Variants in ADAM9 observed in about 807,000 individuals in gnomAD.
The protein encoded by ADAM9 is ADAM metallopeptidase domain 9.
In ADAM9, 54 loss-of-function variants were observed where a neutral mutation model predicts 108.1. The observed-to-expected ratio is 0.50, with a 90% CI of 0.40 to 0.63. ADAM9 has a LOEUF of 0.63. Among genes scored for constraint, ADAM9 ranks in the 20% least tolerant of loss-of-function variants. ADAM9 has a pLI of 0.00. For missense variants in ADAM9, 830 were observed against 997.7 expected (o/e 0.83, Z 2.26); for synonymous variants, 316 against 336.0 (o/e 0.94, Z 0.65).
chr8:39,077,312 T>C lies in ADAM9; in HGVS notation c.1782T>C (p.Pro594=), dbSNP rs1183057328. 1 of 1,614,104 alleles carries C rather than the reference T, an allele frequency of 6.2e-7. No individual in the cohort carries two copies. The highest frequency in any genetic ancestry group is 2.2e-5 in the East Asian group (1 of 44,884). The change falls in exon 16 of 22, where the codon CCT becomes CCC. Residue 594 remains proline, a synonymous_variant. Coordinates refer to ENST00000487273, the MANE Select transcript of ADAM9 (RefSeq NM_003816.3). ...TTGTGCCTGCTATTATTCAAACGCC[T>C]AGTCGAGGCACCAAATGTTGGGGTG... ...FGIVPAIIQT[P]SRGTKCWGVD...
At chr8:39,074,102 T>A (rs1475763271) in intron 15 of ADAM9, among the ~76,000 whole-genome samples, 3 of 152,200 alleles carry the variant, frequency 2.0e-5, no homozygotes, top group Non-Finnish European at 2.9e-5. Context: ...TCATCACTAT[T>A]TTTGTTGTCA....
chr8:39,057,463 G>A (rs369200510), intron 14 of ADAM9, among the ~76,000 whole-genome samples: 12 of 147,976 alleles, frequency 8.1e-5, no homozygotes, highest in East Asian at 6.0e-4. Context: ...TAAATCCTGC[G>A]TAATAGCATG....
At chr8:39,002,491 G>T (rs181170018) in intron 1 of ADAM9, among the ~76,000 whole-genome samples, 1 of 151,100 alleles carries the variant, frequency 6.6e-6, no homozygotes, top group East Asian at 2.0e-4. Context: ...GCTAATTTTT[G>T]TATTTTTTTT....
Position 39,082,707 on chromosome 8 carries a change from T to C in ADAM9, c.1948T>C (p.Cys650Arg). ...LNYDCDVQKK[C>R]HGHGVCNSNK... Reference sequence around the variant, plus strand: ...TTATGACTGTGATGTTCAGAAAAAGTGTCATGGACATGGGGTAGGTAATGT... The same window carrying C: ...TTATGACTGTGATGTTCAGAAAAAGCGTCATGGACATGGGGTAGGTAATGT... Residue 650 changes from cysteine (C) to arginine (R), a missense_variant, in exon 17 of 22, where the codon TGT (cysteine) becomes CGT (arginine). By Grantham distance (180) the Cys-to-Arg change is radical. Transcript: ENST00000487273. The C allele has an allele frequency of 6.2e-7, 1 of 1,613,446 alleles. No individual in the cohort carries two copies. The highest frequency in any genetic ancestry group is 8.5e-7 in the Non-Finnish European group (1 of 1,179,594).
chr8:39,014,013 G>A lies in ADAM9; in HGVS notation c.303G>A (p.Gly101=), dbSNP rs1297739106. The part of the protein sequence containing the change: ...DFVVYTYNKE[G]TLITDHPNIQ... ...TGGTTTATACTTACAACAAGGAAGG[G>A]ACTTTAATCACTGACCATCCCAATA... The change falls in exon 4 of 22, where the codon GGG becomes GGA. Residue 101 remains glycine, a synonymous_variant. Coordinates refer to ENST00000487273, the MANE Select transcript of ADAM9 (RefSeq NM_003816.3). 4 of 1,613,400 alleles carry A rather than the reference G, an allele frequency of 2.5e-6. No homozygotes were observed. Among genetic ancestry groups the A allele is most frequent in the East Asian group, 2.2e-5 (1 of 44,852 alleles).
intron 11 of ADAM9, among the ~76,000 whole-genome samples, chr8:39,041,123 C>T (rs1837444344): frequency 1.3e-5 from 2 of 151,980 alleles, no homozygotes; most frequent in African/African-American, 4.8e-5. Context: ...ATGGATTCCT[C>T]AAAGATATAG....
chr8:39,054,843 A>G (rs566543822), intron 13 of ADAM9, among the ~76,000 whole-genome samples: 1 of 152,266 alleles, frequency 6.6e-6, no homozygotes, highest in East Asian at 1.9e-4. Flanking sequence ...ACATGAAACC[A>G]TAGAAAGTAG....
At chr8:39,058,226 C>T (rs977686783) in intron 14 of ADAM9, among the ~76,000 whole-genome samples, 4 of 152,204 alleles carry the variant, frequency 2.6e-5, no homozygotes, top group African/African-American at 9.6e-5. Flanking sequence ...TTGCTCAGTA[C>T]GTGTGTGTGA....
At chr8:39,001,384 CAT>C (rs1184701038) in intron 1 of ADAM9, among the ~76,000 whole-genome samples, 2 of 152,190 alleles carry the variant, frequency 1.3e-5, no homozygotes, top group Non-Finnish European at 2.9e-5. Flanking sequence ...TTATTCAACA[CAT>C]ATTTTATTGA....
intron 3 of ADAM9, among the ~76,000 whole-genome samples, chr8:39,013,589 A>G (rs1836429769): frequency 6.6e-6 from 1 of 150,844 alleles, no homozygotes; most frequent in Admixed American, 6.6e-5. Flanking sequence ...TGCAGCCTTG[A>G]ACTCCTGGGC....
chr8:39,056,327 C>T (rs1163682830), intron 14 of ADAM9, among the ~76,000 whole-genome samples: 1 of 152,138 alleles, frequency 6.6e-6, no homozygotes, highest in East Asian at 1.9e-4. Context: ...CTATTCCCAT[C>T]ACTTGAGGCA....
At chr8:39,075,629 C>G (rs1040832099) in intron 15 of ADAM9, among the ~76,000 whole-genome samples, 2 of 152,184 alleles carry the variant, frequency 1.3e-5, no homozygotes, top group African/African-American at 4.8e-5. Flanking sequence ...TTTTCTTTGT[C>G]TTAATGATTT....
chr8:39,039,135 A>C (rs1042472637), intron 11 of ADAM9, among the ~76,000 whole-genome samples: 2 of 152,172 alleles, frequency 1.3e-5, no homozygotes, highest in African/African-American at 4.8e-5. Flanking sequence ...TGGATATACA[A>C]AAGACCAAGC....
intron 21 of ADAM9, among the ~76,000 whole-genome samples, 168 bp downstream of exon 21, chr8:39,102,098 T>C (rs1326262192): frequency 2.6e-5 from 4 of 152,210 alleles, no homozygotes; most frequent in Non-Finnish European, 4.4e-5. Context: ...ATAAATTTTA[T>C]CATATTGGTA....
intron 12 of ADAM9, among the ~76,000 whole-genome samples, chr8:39,048,825 G>A (rs1022000303): frequency 1.3e-5 from 2 of 151,114 alleles, no homozygotes; most frequent in Admixed American, 1.3e-4. Context: ...ATTATAAAAT[G>A]TTTTTCTTTG....
intron 16 of ADAM9, among the ~76,000 whole-genome samples, chr8:39,080,178 TTAA>T (rs761042935): frequency 1.6e-3 from 87 of 55,206 alleles, no homozygotes; most frequent in African/African-American, 7.7e-3. Context: ...GCTTGTTTAC[TTAA>T]TAACAAAAAA....
chr8:39,030,510 T>C (rs1184495000), intron 11 of ADAM9, among the ~76,000 whole-genome samples: 1 of 152,212 alleles, frequency 6.6e-6, no homozygotes, highest in African/African-American at 2.4e-5. Flanking sequence ...GAAGGACATA[T>C]TGGTTGCTTC....
chr8:39,044,700 G>A (rs1837559760), intron 12 of ADAM9, among the ~76,000 whole-genome samples: 1 of 152,036 alleles, frequency 6.6e-6, no homozygotes, highest in Non-Finnish European at 1.5e-5. Flanking sequence ...GCATTGTTTA[G>A]CCCATGCTTA....
intron 12 of ADAM9, among the ~76,000 whole-genome samples, chr8:39,047,928 A>ATT (rs540972023): frequency 2.3e-5 from 3 of 133,230 alleles, no homozygotes; most frequent in East Asian, 2.2e-4. Flanking sequence ...CTTTCCTTGT[A>ATT]TTTTTTTTTT....
Sources: allele counts gnomAD v4.1 joint callset (sites outside exome capture counted in the v4.1 genomes callset), GRCh38; gene constraint gnomAD v4.1.1; transcripts MANE v1.5; gene names NCBI Gene and HGNC (gene_info 2026-07-23, HGNC 2026-07-21).